LIPN: variants seen among roughly 807,000 people sequenced by gnomAD.
LIPN encodes lipase family member N.
LIPN carries 32 observed loss-of-function variants against 43.7 expected under a neutral mutation model. The ratio of observed to expected loss-of-function variants is 0.73; its 90% CI spans 0.55 to 0.98. The LOEUF is 0.98. Ranked by LOEUF, LIPN falls within the 50% of genes least tolerant of loss-of-function variation. The pLI, the probability that LIPN is intolerant of heterozygous loss-of-function variation, is 0.00. For synonymous variants in LIPN, 156 were observed against 157.6 expected, an observed-to-expected ratio of 0.99 and a Z score of 0.08; for missense variants, 505 against 483.8, an observed-to-expected ratio of 1.04 and a Z score of -0.41.
At chr10:88,758,507 A>T (rs1842954407), upstream of LIPN, among the ~76,000 whole-genome samples, 1 of 149,596 alleles carries the variant, frequency 6.7e-6, no homozygotes, top group South Asian at 2.1e-4. Context: ...GAAATATTGT[A>T]ACATTATATA....
upstream of LIPN, among the ~76,000 whole-genome samples, chr10:88,757,253 C>T (rs1842937695): frequency 1.3e-5 from 2 of 152,020 alleles, no homozygotes; most frequent in African/African-American, 4.8e-5. Context: ...AAGGTAGATC[C>T]GCCTGGGGCA....
At chr10:88,759,883 A>C (rs1363029339), upstream of LIPN, among the ~76,000 whole-genome samples, 1 of 152,052 alleles carries the variant, frequency 6.6e-6, no homozygotes, top group Admixed American at 6.6e-5. Context: ...ACTATTTCCC[A>C]ACCTGCAAGT....
rs1191240270 is a variant in LIPN at position 88,779,476 on chromosome 10, G to T, written c.*1234G>T. Among the ~76,000 whole-genome samples the T allele has an allele frequency of 1.3e-5, 2 of 152,126 alleles. No homozygotes were observed. Among genetic ancestry groups the T allele is most frequent in the Non-Finnish European group, 2.9e-5 (2 of 68,008 alleles). Reference sequence around the variant, plus strand: ...TATGGAAAAATACCCATGATATAATGTTATGTGAAGAGGAGAAAATGAAAC... The same window carrying T: ...TATGGAAAAATACCCATGATATAATTTTATGTGAAGAGGAGAAAATGAAAC... On this transcript the variant is annotated 3_prime_UTR_variant, in exon 10 of 10. Transcript: ENST00000404459.
chr10:88,760,028 G>T lies in LIPN; in HGVS notation c.-87G>T, dbSNP rs2134819909. Among the ~76,000 whole-genome samples, 1 of 152,068 alleles carries T rather than the reference G, an allele frequency of 6.6e-6. No individual in the cohort carries two copies. The highest frequency in any genetic ancestry group is 6.6e-5 in the Admixed American group (1 of 15,244). On this transcript the variant is annotated 5_prime_UTR_variant, in exon 1 of 10. Transcript: ENST00000404459. Reference sequence around the variant, plus strand: ...CACTGTAATCATCTCTTACTCTTCAGCCTGATGTCAAAAGCAAAAGTTCAG... The same window carrying T: ...CACTGTAATCATCTCTTACTCTTCATCCTGATGTCAAAAGCAAAAGTTCAG...
chr10:88,776,945 T>C (rs1480664688), intron 9 of LIPN, among the ~76,000 whole-genome samples: 1 of 152,066 alleles, frequency 6.6e-6, no homozygotes, highest in African/African-American at 2.4e-5. Flanking sequence ...CTGTCCCTTA[T>C]GAAAAACAAG....
chr10:88,760,475 G>A (rs1365243706), intron 1 of LIPN, among the ~76,000 whole-genome samples: 2 of 152,078 alleles, frequency 1.3e-5, no homozygotes, highest in Non-Finnish European at 2.9e-5. Flanking sequence ...TGTATGCAAA[G>A]CTATTTAGCT....
intron 5 of LIPN, among the ~76,000 whole-genome samples, chr10:88,766,777 T>C (rs1360338682): frequency 6.6e-6 from 1 of 151,874 alleles, no homozygotes; most frequent in East Asian, 1.9e-4. Context: ...ACAACCCAAA[T>C]GGGATTTTTA....
upstream of LIPN, among the ~76,000 whole-genome samples, chr10:88,759,054 T>C (rs1181941644): frequency 6.6e-6 from 1 of 152,124 alleles, no homozygotes; most frequent in Non-Finnish European, 1.5e-5. Context: ...AAAACATGCT[T>C]GAGTCTTTCA....
intron 4 of LIPN, among the ~76,000 whole-genome samples, chr10:88,765,031 T>C (rs999503306): frequency 1.2e-4 from 19 of 152,124 alleles, no homozygotes; most frequent in African/African-American, 4.6e-4. Flanking sequence ...TACAAGTCAT[T>C]GCTCCTGGAT....
chr10:88,779,358 C>G lies in LIPN; in HGVS notation c.*1116C>G, dbSNP rs1192523347. Among the ~76,000 whole-genome samples, 1 of 152,112 alleles carries G rather than the reference C, an allele frequency of 6.6e-6. No homozygotes were observed. Among genetic ancestry groups the G allele is most frequent in the Non-Finnish European group, 1.5e-5 (1 of 68,034 alleles). On this transcript the variant is annotated 3_prime_UTR_variant, in exon 10 of 10. Transcript: ENST00000404459. The stretch of plus-strand genomic sequence containing the variant: ...CTGGCAAATCCACAAGCTGCTGGCC[C>G]CTGGAGCCATTCTTCTCTCAAAACT...
At chr10:88,764,323 A>G (rs1843051865) in intron 3 of LIPN, 87 bp from the exon 4 acceptor site, 3 of 1,001,460 alleles carry the variant, frequency 3.0e-6, no homozygotes, top group South Asian at 1.6e-5. Flanking sequence ...TGTTTCCGAC[A>G]TGCTCTATTT....
rs75183526 is a variant in LIPN, at chr10:88,766,561, A to G, written c.535+183A>G. 4.8e-3 allele frequency among the ~76,000 whole-genome samples: 727 copies of G among 152,040 alleles called. 6 individuals are homozygous for G. Among genetic ancestry groups the G allele is most frequent in the African/African-American group, 0.017 (696 of 41,504 alleles). On this transcript the variant is annotated intron_variant, in intron 5 of 9. Coordinates refer to ENST00000404459, the MANE Select transcript of LIPN (RefSeq NM_001102469.2). ...TGTGAGCCTGCAGTGCACAGACTAT[A>G]TGTAGGGCAAACCTTTCCTGGGTCT...
intron 9 of LIPN, among the ~76,000 whole-genome samples, chr10:88,777,640 C>T (rs1438084382): frequency 6.6e-6 from 1 of 152,076 alleles, no homozygotes; most frequent in Admixed American, 6.6e-5. Flanking sequence ...CATTCCTGAT[C>T]ATAGCCTACA....
chr10:88,778,264 A>T lies in LIPN; in HGVS notation c.*22A>T. 6.5e-7 allele frequency: 1 copy of T among 1,544,102 alleles called. No homozygotes were observed. On this transcript the variant is annotated 3_prime_UTR_variant, in exon 10 of 10. Transcript: ENST00000404459. ...CTAAATGCAATGCATTTACTTTTCA[A>T]TTAAAAGTTGCTTCCAAGCCCATAA...
intron 1 of LIPN, among the ~76,000 whole-genome samples, chr10:88,761,042 A>T (rs1842987727): frequency 6.6e-6 from 1 of 152,138 alleles, no homozygotes; most frequent in Non-Finnish European, 1.5e-5. Flanking sequence ...TCCACTTTTT[A>T]CTTGGCCATG....
intron 4 of LIPN, 127 bp from the exon 5 acceptor site, chr10:88,766,142 T>C: frequency 1.6e-6 from 1 of 621,330 alleles, no homozygotes; most frequent in East Asian, 2.7e-5. Context: ...ATTGGATAAA[T>C]AATGAAATAC....
chr10:88,775,960 T>C lies in LIPN; in HGVS notation c.963+797T>C, dbSNP rs1055149549. ...TGGCCTGTTAGAGGAATAATTCTAC[T>C]AATCCTTAAAACCACTACAAGAGAT... On this transcript the variant is annotated intron_variant, in intron 9 of 9. Coordinates refer to ENST00000404459, the MANE Select transcript of LIPN (RefSeq NM_001102469.2). Among the ~76,000 whole-genome samples the C allele has an allele frequency of 5.3e-5, 8 of 152,176 alleles. No individual in the cohort carries two copies. In the South Asian group the frequency reaches 1.5e-3, roughly 28 times the overall value.
rs780978040 is a variant in LIPN at position 88,778,257 on chromosome 10, C to T, written c.*15C>T. The T allele has an allele frequency of 6.4e-7, 1 of 1,554,938 alleles. No homozygotes were observed. The highest frequency in any genetic ancestry group is 8.8e-7 in the Non-Finnish European group (1 of 1,138,168). On this transcript the variant is annotated 3_prime_UTR_variant, in exon 10 of 10. Transcript: ENST00000404459. ...CATATTCCTAAATGCAATGCATTTACTTTTCAATTAAAAGTTGCTTCCAAG... is the reference window on the plus strand; with the variant it reads ...CATATTCCTAAATGCAATGCATTTATTTTTCAATTAAAAGTTGCTTCCAAG...
At chr10:88,773,918 A>T (rs1843252279) in intron 7 of LIPN, among the ~76,000 whole-genome samples, 1 of 152,002 alleles carries the variant, frequency 6.6e-6, no homozygotes, top group Non-Finnish European at 1.5e-5. Context: ...CTTTGGAAAA[A>T]ATTGGCTTTT....
Sources: allele counts gnomAD v4.1 joint callset (sites outside exome capture counted in the v4.1 genomes callset), GRCh38; gene constraint gnomAD v4.1.1; transcripts MANE v1.5; gene names NCBI Gene and HGNC (gene_info 2026-07-23, HGNC 2026-07-21).